Variants in E2F6 observed in about 807,000 individuals in gnomAD.
E2F6 encodes the protein transcription factor E2F6.
In E2F6, 19 loss-of-function variants were observed where a neutral mutation model predicts 31.5. The observed-to-expected ratio is 0.60, with a 90% confidence interval of 0.42 to 0.89. The LOEUF is 0.89. Ranked by LOEUF, E2F6 falls within the 40% of genes least tolerant of loss-of-function variation. E2F6 has a pLI of 0.00. For synonymous variants in E2F6, 121 were observed against 127.7 expected, an observed-to-expected ratio of 0.95 and a Z score of 0.36; for missense variants, 269 against 341.6, an observed-to-expected ratio of 0.79 and a Z score of 1.67.
In E2F6 at chr2:11,446,236, G is replaced by A. The variant is rs1670703304; in HGVS notation, c.*241C>T. On this transcript the variant is annotated 3_prime_UTR_variant, in exon 7 of 7. Transcript: ENST00000381525. ...ATGAAGCTACTTCAGGAGGCAAGAT[G>A]TCTATTTCACTGACAAAAAGCAGTG... 8.3e-6 allele frequency: 4 copies of A among 482,386 alleles called. No homozygotes were observed. Among genetic ancestry groups the A allele is most frequent in the Non-Finnish European group, 1.5e-5 (4 of 270,110 alleles). 29.9% of individuals were successfully genotyped at this position (482,386 alleles called of 1,614,324 possible). A position where few individuals can be genotyped will look rare whatever the true frequency, so the allele number is the denominator to read the frequency against.
intron 2 of E2F6, 76 bp downstream of exon 2, chr2:11,457,103 T>C (rs1671454086): frequency 1.8e-6 from 2 of 1,137,138 alleles, no homozygotes; most frequent in African/African-American, 1.6e-5. Flanking sequence ...CATCAACTCA[T>C]ACACTTAAAC....
intron 1 of E2F6, among the ~76,000 whole-genome samples, chr2:11,465,193 A>AAAAG (rs1458389001): frequency 5.3e-5 from 8 of 149,988 alleles, no homozygotes; most frequent in African/African-American, 2.0e-4. Context: ...AAAAAAAAAA[A>AAAAG]AAAGAAAAAA....
At chr2:11,465,101 CTGGGAGG>C (rs766847579) in intron 1 of E2F6, among the ~76,000 whole-genome samples, 15 of 139,276 alleles carry the variant, frequency 1.1e-4, no homozygotes, top group Non-Finnish European at 1.8e-4. Context: ...TCTCTTGAAC[CTGGGAGG>C]TGGGGGTTGC....
rs1015813375 is a variant in E2F6, at chr2:11,451,850, T to C, written c.381-44A>G. On this transcript the variant is annotated intron_variant, in intron 3 of 6. Transcript: ENST00000381525. ...GTCAGCATCAATACCAACTAGGAGATAACAAAGTAATTTCAAGTTAGGTTA... is the reference window on the plus strand; with the variant it reads ...GTCAGCATCAATACCAACTAGGAGACAACAAAGTAATTTCAAGTTAGGTTA... 3.9e-6 allele frequency: 6 copies of C among 1,557,022 alleles called. No individual in the cohort carries two copies. The African/African-American group carries it at 8.2e-5, about 21-fold the overall frequency.
intron 1 of E2F6, among the ~76,000 whole-genome samples, chr2:11,465,366 A>C (rs995634101): frequency 2.6e-5 from 4 of 152,048 alleles, no homozygotes; most frequent in African/African-American, 9.7e-5. Flanking sequence ...AATTTGATGA[A>C]TGGGAGCTGT....
intron 2 of E2F6, among the ~76,000 whole-genome samples, chr2:11,456,524 A>G (rs763443094): frequency 6.6e-6 from 1 of 152,226 alleles, no homozygotes; most frequent in Non-Finnish European, 1.5e-5. Context: ...TAAAGTAAGA[A>G]TTCTAATCCA....
At chr2:11,465,707 G>C in intron 1 of E2F6, 65 bp downstream of exon 1, 1 of 1,516,498 alleles carries the variant, frequency 6.6e-7, no homozygotes, top group Non-Finnish European at 8.9e-7. Flanking sequence ...GTTGGCGGCG[G>C]CGCGGGGAGG....
intron 4 of E2F6, chr2:11,451,402 G>C (rs1671060899): frequency 4.5e-6 from 1 of 222,758 alleles, no homozygotes; most frequent in South Asian, 1.4e-4. Context: ...CCAGACTGGA[G>C]TGCAATGGCG....
intron 1 of E2F6, among the ~76,000 whole-genome samples, chr2:11,459,862 T>C (rs992869118): frequency 6.6e-6 from 1 of 150,914 alleles, no homozygotes; most frequent in African/African-American, 2.4e-5. Flanking sequence ...CCAGCCCAGA[T>C]GACGGTGCGA....
At chr2:11,454,913 A>C (rs894668500) in intron 2 of E2F6, among the ~76,000 whole-genome samples, 2 of 152,246 alleles carry the variant, frequency 1.3e-5, no homozygotes, top group African/African-American at 4.8e-5. Context: ...TTTCAACATT[A>C]TTCTTAATGG....
chr2:11,455,346 A>G (rs1182054735), intron 2 of E2F6: 2 of 1,174,808 alleles, frequency 1.7e-6, no homozygotes, highest in Non-Finnish European at 2.2e-6. Flanking sequence ...TCCTACCTTC[A>G]GTCAGAAATG....
At chr2:11,450,684 CTT>C (rs1488965811) in intron 4 of E2F6, among the ~76,000 whole-genome samples, 2 of 152,158 alleles carry the variant, frequency 1.3e-5, no homozygotes, top group African/African-American at 2.4e-5. Context: ...TCTTTTTCGT[CTT>C]GTCTCACTGT....
At chr2:11,452,994 T>C (rs1465830813) in intron 3 of E2F6, among the ~76,000 whole-genome samples, 2 of 152,168 alleles carry the variant, frequency 1.3e-5, no homozygotes, top group Non-Finnish European at 2.9e-5. Context: ...ACTATGTACT[T>C]ATTTGCTGTA....
chr2:11,448,271 T>C (rs1670848449), intron 5 of E2F6, among the ~76,000 whole-genome samples: 1 of 152,254 alleles, frequency 6.6e-6, no homozygotes, highest in Non-Finnish European at 1.5e-5. Context: ...TCACATCCTT[T>C]GATTTCAGAT....
At chr2:11,450,838 GGA>G (rs924069409) in intron 4 of E2F6, among the ~76,000 whole-genome samples, 19 of 152,070 alleles carry the variant, frequency 1.2e-4, no homozygotes, top group Non-Finnish European at 2.9e-5. Flanking sequence ...TTTGACTGCT[GGA>G]GAGAGTTTTA....
At chr2:11,465,358 T>C (rs1672094977) in intron 1 of E2F6, among the ~76,000 whole-genome samples, 1 of 151,942 alleles carries the variant, frequency 6.6e-6, no homozygotes, top group Non-Finnish European at 1.5e-5. Flanking sequence ...GGGGAGATAA[T>C]TTGATGAATG....
chr2:11,460,230 T>G (rs1040164901), intron 1 of E2F6, among the ~76,000 whole-genome samples: 4 of 152,244 alleles, frequency 2.6e-5, no homozygotes, highest in Non-Finnish European at 4.4e-5. Context: ...CAGATGTTTC[T>G]CTACACCAAT....
intron 1 of E2F6, among the ~76,000 whole-genome samples, chr2:11,464,255 T>C (rs1671983383): frequency 6.6e-6 from 1 of 151,960 alleles, no homozygotes; most frequent in Non-Finnish European, 1.5e-5. Flanking sequence ...TCAAGAAGTT[T>C]AGCTGTGAAA....
chr2:11,465,662 A>T, intron 1 of E2F6, 110 bp downstream of exon 1: 1 of 1,112,810 alleles, frequency 9.0e-7, no homozygotes, highest in Non-Finnish European at 1.3e-6. Flanking sequence ...CGCCTGGCCC[A>T]GGGGGAGCAG....
Sources: gnomAD v4.1 joint callset for allele counts (sites outside exome capture counted in the v4.1 genomes callset) on GRCh38, gnomAD v4.1.1 for gene constraint, MANE v1.5 for transcripts, NCBI Gene and HGNC (gene_info 2026-07-23, HGNC 2026-07-21) for gene names.